The following TMEM117 variants were observed in gnomAD, a reference collection of about 807,000 sequenced individuals.
The protein encoded by TMEM117 is transmembrane protein 117.
TMEM117 carries 27 observed loss-of-function variants against 52.4 expected under a neutral mutation model. The observed-to-expected ratio is 0.51, with a 90% CI of 0.38 to 0.71. The LOEUF (loss-of-function observed/expected upper bound fraction) is 0.71, where lower values mean the gene tolerates loss of function less well. Ranked by LOEUF, TMEM117 falls within the 30% of genes least tolerant of loss-of-function variation. The pLI is 0.00. For synonymous variants in TMEM117, 215 were observed against 206.3 expected, an observed-to-expected ratio of 1.04 and a Z score of -0.36; for missense variants, 556 against 630.5, an observed-to-expected ratio of 0.88 and a Z score of 1.26.
intron 3 of TMEM117, among the ~76,000 whole-genome samples, chr12:44,132,171 G>A (rs892133810): frequency 4.0e-5 from 6 of 150,614 alleles, no homozygotes; most frequent in Admixed American, 2.6e-4. Context: ...TTTTTTAAGC[G>A]GGAGGGGCTG....
chr12:44,238,375 G>A (rs1290673319), intron 5 of TMEM117, among the ~76,000 whole-genome samples: 1 of 151,986 alleles, frequency 6.6e-6, no homozygotes, highest in Non-Finnish European at 1.5e-5. Context: ...TTTATGGAAG[G>A]GAAAATAGAA....
At chr12:44,104,672 A>T (rs2138085993) in intron 3 of TMEM117, among the ~76,000 whole-genome samples, 1 of 152,150 alleles carries the variant, frequency 6.6e-6, no homozygotes, top group African/African-American at 2.4e-5. Flanking sequence ...TCTACTGGCA[A>T]CAAATTCCCT....
intron 4 of TMEM117, among the ~76,000 whole-genome samples, chr12:44,169,700 T>C (rs1379631717): frequency 1.3e-5 from 2 of 152,212 alleles, no homozygotes; most frequent in Non-Finnish European, 2.9e-5. Context: ...AACTTTGAAA[T>C]TCAATTTATT....
intron 2 of TMEM117, among the ~76,000 whole-genome samples, chr12:43,925,619 C>G (rs1944766674): frequency 2.0e-5 from 3 of 152,060 alleles, no homozygotes; most frequent in African/African-American, 2.4e-5. Flanking sequence ...CATTTATAAG[C>G]CCCCAGGCTG....
At chr12:44,020,329 G>T (rs1432297178) in intron 3 of TMEM117, among the ~76,000 whole-genome samples, 1 of 152,140 alleles carries the variant, frequency 6.6e-6, no homozygotes, top group Non-Finnish European at 1.5e-5. Context: ...ACTACATGGG[G>T]CAGTGGTTAT....
At chr12:44,382,966 G>T (rs951844058) in intron 7 of TMEM117, among the ~76,000 whole-genome samples, 1 of 152,172 alleles carries the variant, frequency 6.6e-6, no homozygotes, top group African/African-American at 2.4e-5. Flanking sequence ...AATGAGGGGA[G>T]ATTAGGATGG....
intron 5 of TMEM117, among the ~76,000 whole-genome samples, chr12:44,216,214 G>T (rs1286325596): frequency 2.0e-5 from 3 of 151,804 alleles, no homozygotes; most frequent in African/African-American, 7.3e-5. Flanking sequence ...CACCATGTTG[G>T]TCAGGCTGGT....
chr12:44,078,650 G>A (rs1467155297), intron 3 of TMEM117, among the ~76,000 whole-genome samples: 1 of 152,026 alleles, frequency 6.6e-6, no homozygotes, highest in Non-Finnish European at 1.5e-5. Flanking sequence ...TATTTGAGAT[G>A]CCTTACAATT....
chr12:43,855,617 G>GT (rs1293845854), intron 2 of TMEM117, among the ~76,000 whole-genome samples: 1 of 152,188 alleles, frequency 6.6e-6, no homozygotes, highest in Non-Finnish European at 1.5e-5. Context: ...GAAACAGGAA[G>GT]TTTGGGGACA....
intron 3 of TMEM117, among the ~76,000 whole-genome samples, chr12:43,963,957 T>C (rs1299563605): frequency 6.6e-6 from 1 of 152,146 alleles, no homozygotes; most frequent in Non-Finnish European, 1.5e-5. Context: ...GAGACCTCAA[T>C]GATAAGCACT....
intron 3 of TMEM117, among the ~76,000 whole-genome samples, chr12:44,013,231 T>C (rs940183089): frequency 6.6e-6 from 1 of 152,128 alleles, no homozygotes; most frequent in African/African-American, 2.4e-5. Flanking sequence ...GGTTTCGCCA[T>C]GTTGCCCAGG....
At chr12:44,146,958 A>G (rs1565848014) in intron 4 of TMEM117, among the ~76,000 whole-genome samples, 1 of 152,164 alleles carries the variant, frequency 6.6e-6, no homozygotes, top group Non-Finnish European at 1.5e-5. Context: ...GTCAACCAAT[A>G]TGAGAAGTAT....
chr12:44,193,610 C>G (rs964766835), intron 4 of TMEM117, among the ~76,000 whole-genome samples: 8 of 152,168 alleles, frequency 5.3e-5, no homozygotes, highest in Non-Finnish European at 1.2e-4. Flanking sequence ...AAGCAAAAAA[C>G]TACCTTAAAT....
chr12:44,006,434 G>A (rs1946197567), intron 3 of TMEM117, among the ~76,000 whole-genome samples: 1 of 152,150 alleles, frequency 6.6e-6, no homozygotes, highest in African/African-American at 2.4e-5. Context: ...GGCAAACATT[G>A]AATCCTCTCT....
At chr12:43,915,072 G>A (rs1944578166) in intron 2 of TMEM117, among the ~76,000 whole-genome samples, 2 of 152,138 alleles carry the variant, frequency 1.3e-5, no homozygotes, top group African/African-American at 4.8e-5. Flanking sequence ...TGTTTAAACA[G>A]TGTTACTGCG....
chr12:43,955,194 T>C (rs1046935820), intron 3 of TMEM117, among the ~76,000 whole-genome samples: 1 of 152,148 alleles, frequency 6.6e-6, no homozygotes, highest in Admixed American at 6.5e-5. Context: ...ACATACCGAA[T>C]GGGCAAAAAC....
intron 5 of TMEM117, among the ~76,000 whole-genome samples, chr12:44,289,404 A>G (rs1484789290): frequency 6.6e-6 from 1 of 152,082 alleles, no homozygotes. Flanking sequence ...TTAGATATAT[A>G]TTCAGAAGTG....
intron 6 of TMEM117, among the ~76,000 whole-genome samples, chr12:44,372,069 C>A (rs1951871670): frequency 6.6e-6 from 1 of 152,148 alleles, no homozygotes; most frequent in South Asian, 2.1e-4. Context: ...TAGCGTAATA[C>A]CTTGTGCCTA....
At chr12:43,915,630 C>T (rs10785467) in intron 2 of TMEM117, among the ~76,000 whole-genome samples, 33,168 of 151,726 alleles carry the variant, frequency 0.22, 5,865 homozygotes, top group African/African-American at 0.49. Flanking sequence ...CTAGAATTGT[C>T]TAATTTAAAG....
Sources: allele counts gnomAD v4.1 joint callset (sites outside exome capture counted in the v4.1 genomes callset), GRCh38; gene constraint gnomAD v4.1.1; transcripts MANE v1.5; gene names NCBI Gene and HGNC (gene_info 2026-07-23, HGNC 2026-07-21).